PTPRD: variants seen among roughly 807,000 people sequenced by gnomAD.
The protein encoded by PTPRD is receptor-type tyrosine-protein phosphatase delta.
PTPRD carries 34 observed loss-of-function variants against 214.5 expected under a neutral mutation model. The observed-to-expected ratio is 0.16, with a 90% CI of 0.12 to 0.21. The LOEUF is 0.21. Ranked by LOEUF, PTPRD falls within the 10% of genes least tolerant of loss-of-function variation. The probability of loss-of-function intolerance (pLI) is 1.00; values close to 1 mark genes in which losing one functional copy is unlikely to be tolerated. For synonymous variants in PTPRD, 1,128 were observed against 845.7 expected (o/e 1.33, Z -5.79); for missense variants, 2,545 against 2,398.7 (o/e 1.06, Z -1.27).
At chr9:10,205,355 ATTCTTC>A (rs577247566) in intron 3 of PTPRD, among the ~76,000 whole-genome samples, 1 of 151,108 alleles carries the variant, frequency 6.6e-6, no homozygotes, top group Non-Finnish European at 1.5e-5. Flanking sequence ...TGTGGCCACA[ATTCTTC>A]TTCTTCTTTA....
At chr9:9,160,529 A>G (rs1469314811) in intron 10 of PTPRD, among the ~76,000 whole-genome samples, 1 of 152,160 alleles carries the variant, frequency 6.6e-6, no homozygotes, top group Non-Finnish European at 1.5e-5. Flanking sequence ...AAGATGAAAG[A>G]TAAGTGTTGG....
At chr9:9,161,337 T>G (rs1469363534) in intron 10 of PTPRD, among the ~76,000 whole-genome samples, 1 of 152,120 alleles carries the variant, frequency 6.6e-6, no homozygotes, top group Non-Finnish European at 1.5e-5. Context: ...AAAGTAATAT[T>G]AATAAGAAAA....
At chr9:8,450,347 A>G (rs968663761) in intron 33 of PTPRD, among the ~76,000 whole-genome samples, 1 of 152,166 alleles carries the variant, frequency 6.6e-6, no homozygotes, top group African/African-American at 2.4e-5. Flanking sequence ...GCAGGTAAAC[A>G]CAAGTGCATT....
At chr9:9,482,674 C>G (rs890330667) in intron 8 of PTPRD, among the ~76,000 whole-genome samples, 3 of 152,102 alleles carry the variant, frequency 2.0e-5, no homozygotes, top group African/African-American at 7.2e-5. Flanking sequence ...GGCAGTGGTT[C>G]TAAGCACAAC....
At chr9:10,113,193 A>G (rs1367701640) in intron 3 of PTPRD, among the ~76,000 whole-genome samples, 2 of 152,236 alleles carry the variant, frequency 1.3e-5, no homozygotes, top group Non-Finnish European at 2.9e-5. Flanking sequence ...CTATATATTC[A>G]TAATAACTAA....
chr9:9,959,006 C>T (rs1202016485), intron 4 of PTPRD, among the ~76,000 whole-genome samples: 1 of 152,138 alleles, frequency 6.6e-6, no homozygotes, highest in African/African-American at 2.4e-5. Context: ...TAGGTATAAA[C>T]CCTGTTGTTT....
At chr9:9,830,220 T>A (rs1378430666) in intron 5 of PTPRD, among the ~76,000 whole-genome samples, 1 of 151,858 alleles carries the variant, frequency 6.6e-6, no homozygotes, top group Non-Finnish European at 1.5e-5. Context: ...TTAAAAAGTT[T>A]TATTACTACT....
chr9:9,792,208 C>G (rs1007377955), intron 5 of PTPRD, among the ~76,000 whole-genome samples: 3 of 151,914 alleles, frequency 2.0e-5, no homozygotes, highest in African/African-American at 7.3e-5. Flanking sequence ...GAGTGTGAAA[C>G]TTTTCCAAAT....
chr9:8,830,469 G>A (rs911542111), intron 11 of PTPRD, among the ~76,000 whole-genome samples: 2 of 152,114 alleles, frequency 1.3e-5, no homozygotes, highest in African/African-American at 4.8e-5. Flanking sequence ...GGGTAAACAA[G>A]AAAGGAAAGT....
intron 3 of PTPRD, among the ~76,000 whole-genome samples, chr9:10,049,327 A>C (rs2097476612): frequency 6.6e-6 from 1 of 151,642 alleles, no homozygotes; most frequent in Non-Finnish European, 1.5e-5. Context: ...CTGCATCTTC[A>C]ATACTTTCAG....
chr9:10,510,502 G>C (rs1179696713), intron 2 of PTPRD, among the ~76,000 whole-genome samples: 1 of 151,790 alleles, frequency 6.6e-6, no homozygotes, highest in Non-Finnish European at 1.5e-5. Context: ...ATATAAATAG[G>C]GATTATGCAA....
At chr9:9,085,117 C>A (rs896050673) in intron 10 of PTPRD, among the ~76,000 whole-genome samples, 1 of 152,052 alleles carries the variant, frequency 6.6e-6, no homozygotes, top group African/African-American at 2.4e-5. Context: ...TGCTCACAAG[C>A]CTGATAAATA....
chr9:9,749,727 G>A (rs1255955970), intron 6 of PTPRD, among the ~76,000 whole-genome samples: 2 of 152,272 alleles, frequency 1.3e-5, no homozygotes, highest in Middle Eastern at 3.4e-3. Flanking sequence ...TTTATATTAA[G>A]AGTCTGACAG....
At chr9:9,820,671 G>A (rs1431312761) in intron 5 of PTPRD, among the ~76,000 whole-genome samples, 1 of 152,078 alleles carries the variant, frequency 6.6e-6, no homozygotes, top group Non-Finnish European at 1.5e-5. Context: ...ATGGCAAAAG[G>A]TAGGAGTCCA....
chr9:9,335,035 C>G (rs909052532), intron 9 of PTPRD, among the ~76,000 whole-genome samples: 5 of 152,026 alleles, frequency 3.3e-5, no homozygotes, highest in African/African-American at 1.2e-4. Flanking sequence ...TCACCTGTCT[C>G]TATACTCTTA....
At chr9:9,855,380 T>C (rs1192335567) in intron 5 of PTPRD, among the ~76,000 whole-genome samples, 1 of 152,128 alleles carries the variant, frequency 6.6e-6, no homozygotes. Context: ...GAGCTCCTTC[T>C]AAAATAGCAG....
intron 11 of PTPRD, among the ~76,000 whole-genome samples, chr9:8,885,745 C>T (rs888138305): frequency 6.6e-6 from 1 of 152,084 alleles, no homozygotes; most frequent in Non-Finnish European, 1.5e-5. Flanking sequence ...GAACCACCCA[C>T]CTTGGTCTCC....
chr9:10,080,998 T>C (rs544293339), intron 3 of PTPRD, among the ~76,000 whole-genome samples: 1 of 152,092 alleles, frequency 6.6e-6, no homozygotes, highest in South Asian at 2.1e-4. Context: ...AGGTACATCA[T>C]TTGAGTAAAT....
At position 9,309,431 on chromosome 9, in the gene PTPRD, G is replaced by C. The variant is rs533617190; in HGVS notation, c.-203+88018C>G. ...GATGCCAAAACTATTTCAGCTGCTA[G>C]AATTGTCTACTTTACCTTATCTCAT... is the stretch of plus-strand genomic sequence containing the variant. On this transcript the variant is annotated intron_variant, in intron 9 of 45. Transcript: ENST00000381196. Among the ~76,000 whole-genome samples, 4 of 152,246 alleles carry C rather than the reference G, an allele frequency of 2.6e-5. No homozygotes were observed. In the South Asian group the frequency reaches 8.3e-4, roughly 32 times the overall value.
Sources: gnomAD v4.1 joint callset for allele counts (sites outside exome capture counted in the v4.1 genomes callset) on GRCh38, gnomAD v4.1.1 for gene constraint, MANE v1.5 for transcripts, NCBI Gene and HGNC (gene_info 2026-07-23, HGNC 2026-07-21) for gene names.